Variants in TUBGCP6 observed in about 807,000 individuals in gnomAD.
TUBGCP6 encodes the protein gamma-tubulin complex component 6.
TUBGCP6 carries 161 observed loss-of-function variants against 175.8 expected under a neutral mutation model. The ratio of observed to expected loss-of-function variants is 0.92; its 90% CI spans 0.81 to 1.04. The LOEUF is 1.04. Among genes scored for constraint, TUBGCP6 ranks in the 50% least tolerant of loss-of-function variants. The pLI is 0.00. For missense variants in TUBGCP6, 2,572 were observed against 2,433.0 expected (o/e 1.06, Z -1.20); for synonymous variants, 1,173 against 1,030.5 (o/e 1.14, Z -2.65).
chr22:50,224,115 T>C, intron 13 of TUBGCP6, 26 bp downstream of exon 13: 1 of 1,604,972 alleles, frequency 6.2e-7, no homozygotes, highest in Non-Finnish European at 8.5e-7. Flanking sequence ...ACTGCACCCC[T>C]GGGCCTGGAG....
intron 7 of TUBGCP6, 73 bp from the exon 8 acceptor site, chr22:50,226,451 T>G: frequency 7.4e-7 from 1 of 1,343,334 alleles, no homozygotes; most frequent in Non-Finnish European, 1.0e-6. Flanking sequence ...CAGTGAGGGG[T>G]GGGACAGGGG....
chr22:50,239,700 C>T (rs1162710159), intron 2 of TUBGCP6, among the ~76,000 whole-genome samples: 3 of 152,192 alleles, frequency 2.0e-5, no homozygotes, highest in Admixed American at 6.5e-5. Context: ...CAGACACGGA[C>T]GGAAAAGGTT....
Position 50,221,160 on chromosome 22 carries a change from C to T in TUBGCP6, c.3199G>A (p.Val1067Met). ...GGCTGGGTGGGAGCCACATCTGACA[C>T]ATTCTCCCCGACCCTGATGCTGGCG... is the stretch of plus-strand genomic sequence containing the variant. ...SDASIRVGENVSDVAPTQPRW... is the reference protein window; with the variant it reads ...SDASIRVGENMSDVAPTQPRW... Residue 1067 changes from valine to methionine, a missense_variant, in exon 16 of 25, where the codon GTG becomes ATG. Coordinates refer to ENST00000248846, the MANE Select transcript of TUBGCP6 (RefSeq NM_020461.4). 3 of 1,608,068 alleles carry T rather than the reference C, an allele frequency of 1.9e-6. No individual in the cohort carries two copies. Among genetic ancestry groups the T allele is most frequent in the Non-Finnish European group, 1.7e-6 (2 of 1,175,068 alleles).
At position 50,224,190 on chromosome 22, in the gene TUBGCP6, T is replaced by C. The variant is rs760007997; in HGVS notation, c.2221A>G (p.Arg741Gly). The C allele has an allele frequency of 1.2e-6, 2 of 1,614,110 alleles. No individual in the cohort carries two copies. The highest frequency in any genetic ancestry group is 1.1e-5 in the South Asian group (1 of 91,078). Reference sequence around the variant, plus strand: ...TCCAGGGACTTCAGCCTTCTCTCCCTGTCTCGGAGTTCACGGGCGTAGCTG... The same window carrying C: ...TCCAGGGACTTCAGCCTTCTCTCCCCGTCTCGGAGTTCACGGGCGTAGCTG... ...DFSYARELRD[R>G]ERRLKSLEEE... Residue 741 changes from arginine to glycine, a missense_variant, in exon 13 of 25, where the codon AGG (arginine) becomes GGG (glycine). Arg to Gly is a moderately radical substitution (Grantham distance 125). Coordinates refer to ENST00000248846, the MANE Select transcript of TUBGCP6 (RefSeq NM_020461.4).
At chr22:50,242,429 G>A (rs1252646548) in intron 1 of TUBGCP6, among the ~76,000 whole-genome samples, 7 of 151,868 alleles carry the variant, frequency 4.6e-5, no homozygotes, top group Non-Finnish European at 7.4e-5. Flanking sequence ...CCCAGGAGAT[G>A]GAGGTTGCAG....
rs537465788 is a variant in TUBGCP6, at chr22:50,219,551, G to A, written c.4315+93C>T. Reference sequence around the variant, plus strand: ...TGGAGCACGTGCTGGGAACTGGCTAGCCCAGGGCTCCGCCCCAACCCACAG... The same window carrying A: ...TGGAGCACGTGCTGGGAACTGGCTAACCCAGGGCTCCGCCCCAACCCACAG... On this transcript the variant is annotated intron_variant, in intron 18 of 24. Transcript: ENST00000248846. 4.4e-6 allele frequency: 7 copies of A among 1,587,558 alleles called. No individual in the cohort carries two copies. The Admixed American group carries it at 1.2e-4, about 27-fold the overall frequency.
rs1200285905 is a variant in TUBGCP6, at chr22:50,241,998, A to AG, written c.742-1632_742-1631insC. ...GACTCCATCTCAAAAAAAAAAAAAA[A>AG]AAAAAAAAAAAGAACAATCAGGCCG... is the stretch of plus-strand genomic sequence containing the variant. On this transcript the variant is annotated intron_variant, in intron 1 of 24. Transcript: ENST00000248846. 4.8e-3 allele frequency among the ~76,000 whole-genome samples: 547 copies of AG among 113,926 alleles called. 8 individuals are homozygous for AG. Among genetic ancestry groups the AG allele is most frequent in the African/African-American group, 0.015 (515 of 35,360 alleles). The allele number at this position is 113,926 out of a possible 152,430, so 74.7% of individuals were successfully genotyped here.
rs779731873 is a variant in TUBGCP6, at chr22:50,220,367, G to C, written c.3992C>G (p.Ser1331Cys). The change falls in exon 16 of 25, where the codon TCC becomes TGC. Residue 1331 changes from serine to cysteine, a missense_variant. Transcript: ENST00000248846. ...CCCCTCCCCGCAGCCCGAGCTGGGG[G>C]AGGACAGAGATGGCCCCACTTCTAC... ...LPVEVGPSLS[S>C]PSSGCGEGSI... is the part of the protein sequence containing the mutation. 6.4e-7 allele frequency: 1 copy of C among 1,557,538 alleles called. No individual in the cohort carries two copies. Among genetic ancestry groups the C allele is most frequent in the Non-Finnish European group, 8.7e-7 (1 of 1,148,212 alleles).
intron 4 of TUBGCP6, among the ~76,000 whole-genome samples, chr22:50,228,529 C>CA (rs1235918538): frequency 1.3e-5 from 2 of 152,188 alleles, no homozygotes; most frequent in African/African-American, 4.8e-5. Context: ...CACACTAAGA[C>CA]AGGGGCACCC....
intron 13 of TUBGCP6, chr22:50,223,780 CAAAAAAA>C (rs34989677): frequency 2.5e-4 from 16 of 64,312 alleles, no homozygotes; most frequent in South Asian, 5.9e-4. Flanking sequence ...ACTCTGTTTC[CAAAAAAA>C]AAAAAAAAAA....
intron 3 of TUBGCP6, among the ~76,000 whole-genome samples, chr22:50,231,081 CAAAA>C (rs35669469): frequency 1.8e-4 from 4 of 22,818 alleles, no homozygotes; most frequent in South Asian, 2.5e-3. Flanking sequence ...GACTCTATCT[CAAAA>C]AAAAAAAAAA....
At chr22:50,218,965 TGGGGCTGTGCCAGAGCAGCAG>T (rs912013141) in intron 20 of TUBGCP6, 68 bp from the exon 21 acceptor site, 7 of 1,588,448 alleles carry the variant, frequency 4.4e-6, no homozygotes, top group South Asian at 2.3e-5. Flanking sequence ...CGGCACCCCA[TGGGGCTGTGCCAGAGCAGCAG>T]GGGGCTGTGG....
intron 5 of TUBGCP6, 102 bp from the exon 6 acceptor site, chr22:50,227,179 G>A: frequency 3.7e-6 from 4 of 1,087,352 alleles, no homozygotes; most frequent in Non-Finnish European, 5.3e-6. Context: ...GCTCCCTGGG[G>A]CAACTAACTT....
intron 1 of TUBGCP6, among the ~76,000 whole-genome samples, chr22:50,241,924 C>T (rs1402023285): frequency 7.4e-6 from 1 of 134,850 alleles, no homozygotes; most frequent in East Asian, 2.2e-4. Context: ...CTGGTCTCCG[C>T]ATATGGAGAG....
At chr22:50,224,087 C>G in intron 13 of TUBGCP6, 54 bp downstream of exon 13, 2 of 1,519,454 alleles carry the variant, frequency 1.3e-6, no homozygotes, top group Non-Finnish European at 1.8e-6. Flanking sequence ...TAAGCCAGAG[C>G]TATGGGGCCC....
Position 50,217,791 on chromosome 22 carries a change from T to G in TUBGCP6, c.5405A>C (p.His1802Pro). The change falls in exon 25 of 25, where the codon CAC (histidine) becomes CCC (proline). Residue 1802 changes from histidine to proline, a missense_variant. Physicochemically the swap from His to Pro is moderately conservative, Grantham distance 77. Coordinates refer to ENST00000248846, the MANE Select transcript of TUBGCP6 (RefSeq NM_020461.4). Reference protein sequence around the residue: ...TKLVNRGYQPHLEDFLLRINF... With the variant: ...TKLVNRGYQPPLEDFLLRINF... The stretch of plus-strand genomic sequence containing the variant: ...GATGCGCAGCAGAAAGTCCTCCAGG[T>G]GGGGCTGGTAGCCGCGGTTCACCAG... 6.2e-7 allele frequency: 1 copy of G among 1,613,974 alleles called. No homozygotes were observed. The highest frequency in any genetic ancestry group is 1.1e-5 in the South Asian group (1 of 91,080).
At position 50,222,021 on chromosome 22, in the gene TUBGCP6, C is replaced by T. The variant is rs1569113024; in HGVS notation, c.2484+7G>A. The T allele has an allele frequency of 1.2e-6, 2 of 1,613,780 alleles. No individual in the cohort carries two copies. The highest frequency in any genetic ancestry group is 1.1e-5 in the South Asian group (1 of 91,070). ...TAGGGCACCCTGGGTTCCACTCTGC[C>T]GCTTACCTGGGGGTGCACGCTCAAG... On this transcript the variant is annotated splice_region_variant and intron_variant, in intron 15 of 24. Transcript: ENST00000248846.
In TUBGCP6 at chr22:50,221,281, A is replaced by G; in HGVS notation, c.3078T>C (p.Phe1026=). The change falls in exon 16 of 25, where the codon TTT becomes TTC. Residue 1026 remains phenylalanine (F), a synonymous_variant. Coordinates refer to ENST00000248846, the MANE Select transcript of TUBGCP6 (RefSeq NM_020461.4). The part of the protein sequence containing the change: ...EGSSQPTERL[F]GQVSGGGLPT... The stretch of plus-strand genomic sequence containing the variant: ...GAAGACCACCCCCTGACACCTGCCC[A>G]AAGAGCCGCTCTGTGGGCTGGCTGC... 6.2e-7 allele frequency: 1 copy of G among 1,613,936 alleles called. No homozygotes were observed. Among genetic ancestry groups the G allele is most frequent in the Admixed American group, 1.7e-5 (1 of 60,032 alleles).
rs201810892 is a variant in TUBGCP6, at chr22:50,220,001, C to T, written c.4123G>A (p.Gly1375Arg). The T allele has an allele frequency of 1.2e-5, 19 of 1,613,786 alleles. No individual in the cohort carries two copies. In the Admixed American group the frequency reaches 1.7e-4, roughly 14 times the overall value. Reference sequence around the variant, plus strand: ...TTTGGAGAGAGGTCCTCAGTGTCCCCGCTCCTCCCAGGGCCTGTGTGGACA... The same window carrying T: ...TTTGGAGAGAGGTCCTCAGTGTCCCTGCTCCTCCCAGGGCCTGTGTGGACA... Reference protein sequence around the residue: ...VSEELGPGRSGDTEDLSPNWP... With the variant: ...VSEELGPGRSRDTEDLSPNWP... The change falls in exon 17 of 25, where the codon GGG (glycine) becomes AGG (arginine). Residue 1375 changes from glycine (G) to arginine (R), a missense_variant. Coordinates refer to ENST00000248846, the MANE Select transcript of TUBGCP6 (RefSeq NM_020461.4).
Sources: allele counts gnomAD v4.1 joint callset (sites outside exome capture counted in the v4.1 genomes callset), GRCh38; gene constraint gnomAD v4.1.1; transcripts MANE v1.5; gene names NCBI Gene and HGNC (gene_info 2026-07-23, HGNC 2026-07-21).